Variants in TLN1 observed in about 807,000 individuals in gnomAD.
TLN1 encodes talin 1.
A neutral mutation model predicts 292.3 loss-of-function variants in TLN1; 56 were observed. The ratio of observed to expected loss-of-function variants is 0.19; its 90% CI spans 0.15 to 0.24. The LOEUF is 0.24. Among genes scored for constraint, TLN1 ranks in the 10% least tolerant of loss-of-function variants. TLN1 has a pLI of 1.00. For synonymous variants in TLN1, 1,119 were observed against 1,253.7 expected, an observed-to-expected ratio of 0.89 and a Z score of 2.27; for missense variants, 2,433 against 3,248.2, an observed-to-expected ratio of 0.75 and a Z score of 6.10.
chr9:35,705,455 A>G (rs925671432), intron 43 of TLN1, 96 bp downstream of exon 43: 5 of 1,299,090 alleles, frequency 3.8e-6, no homozygotes, highest in Non-Finnish European at 5.2e-6. Context: ...TCCCCTTTCT[A>G]TGAAAGACCA....
In TLN1 at chr9:35,719,717, C is replaced by A. The variant is rs369200528; in HGVS notation, c.1578+23G>T. The A allele has an allele frequency of 7.7e-4, 1,235 of 1,610,384 alleles. 15 individuals are homozygous for A. The highest frequency in any genetic ancestry group is 6.7e-4 in the South Asian group (61 of 90,700). On this transcript the variant is annotated intron_variant, in intron 14 of 56. Coordinates refer to ENST00000314888, the MANE Select transcript of TLN1 (RefSeq NM_006289.4). The surrounding 1 kb of genome is among the most constrained non-coding windows in gnomAD (Gnocchi z 4.6). ...GGAGTCTCAGCTTCAGTACCACCGG[C>A]CTCTCCTCCATCCCATACTTACAGC...
chr9:35,723,997 T>C lies in TLN1; in HGVS notation c.737A>G (p.Gln246Arg). The C allele has an allele frequency of 6.2e-7, 1 of 1,614,008 alleles. No homozygotes were observed. The highest frequency in any genetic ancestry group is 8.5e-7 in the Non-Finnish European group (1 of 1,179,958). The change falls in exon 7 of 57, where the codon CAG becomes CGG. Residue 246 changes from glutamine (Q) to arginine (R), a missense_variant. Around this residue, in one of 7 missense-constraint regions of TLN1, gnomAD observed 78 missense variants for 88.8 expected, o/e 0.88. Coordinates refer to ENST00000314888, the MANE Select transcript of TLN1 (RefSeq NM_006289.4). ...CEFAGFQCQI[Q>R]FGPHNEQKHK... ...CTTCTGCTCATTGTGGGGCCCAAAC[T>C]GGATCTGGCATTGGAAGCCAGCAAA...
intron 48 of TLN1, 142 bp downstream of exon 48, chr9:35,703,418 T>A: frequency 1.3e-6 from 1 of 767,246 alleles, no homozygotes; most frequent in Non-Finnish European, 2.2e-6. Flanking sequence ...AGCAAGACCC[T>A]TCTCAAAAAA....
Position 35,714,231 on chromosome 9 carries a change from T to C in TLN1, c.3120+8A>G. ...CTCATCTTCCAAAGCCAGAACCAGC[T>C]TCCATACCTTCTGGGCAGCCGTCCG... On this transcript the variant is annotated splice_region_variant and intron_variant, in intron 24 of 56. Transcript: ENST00000314888. This position sits in a 1 kb window ranked among gnomAD's most constrained non-coding sequence, Gnocchi z 4.6. 6.2e-6 allele frequency: 10 copies of C among 1,605,162 alleles called. No homozygotes were observed. The highest frequency in any genetic ancestry group is 8.5e-6 in the Non-Finnish European group (10 of 1,173,746).
At position 35,699,760 on chromosome 9, in the gene TLN1, G is replaced by C. The variant is rs1825430706; in HGVS notation, c.6768+214C>G. ...GTGGGAAGGGAGGAGAAAAGAAAAA[G>C]AGGAAGAGGAAGAGGTGACTGGGAG... On this transcript the variant is annotated intron_variant, in intron 50 of 56. Transcript: ENST00000314888. The surrounding 1 kb of genome is among the most constrained non-coding windows in gnomAD (Gnocchi z 4.0). 2 of 865,510 alleles carry C rather than the reference G, an allele frequency of 2.3e-6. No individual in the cohort carries two copies. Among genetic ancestry groups the C allele is most frequent in the African/African-American group, 1.8e-5 (1 of 54,728 alleles). 53.6% of individuals were successfully genotyped at this position (865,510 alleles called of 1,614,324 possible).
At position 35,705,480 on chromosome 9, in the gene TLN1, G is replaced by A. The variant is rs570085369; in HGVS notation, c.5733+71C>T. The A allele has an allele frequency of 4.6e-5, 68 of 1,470,512 alleles. 1 individual carries two copies. In the East Asian group the frequency reaches 1.4e-3, roughly 31 times the overall value. The allele number at this position is 1,470,512 out of a possible 1,614,324, so 91.1% of individuals were successfully genotyped here. ...ATGAAAGACCAGAGAGGGTGGGGGT[G>A]GGACAGCCCTAGACACTGACACATC... is the stretch of plus-strand genomic sequence containing the variant. On this transcript the variant is annotated intron_variant, in intron 43 of 56. Transcript: ENST00000314888.
rs771186653 is a variant in TLN1 at position 35,704,959 on chromosome 9, C to T, written c.5734-144G>A. On this transcript the variant is annotated intron_variant, in intron 43 of 56. Coordinates refer to ENST00000314888, the MANE Select transcript of TLN1 (RefSeq NM_006289.4). This position sits in a 1 kb window ranked among gnomAD's most constrained non-coding sequence, Gnocchi z 6.9. ...AGAGAGAAGGTTCCCAGCACAAGGA[C>T]GTTTCCGGTTGCATATCCTTTAGGC... 27 of 1,027,154 alleles carry T rather than the reference C, an allele frequency of 2.6e-5. No individual in the cohort carries two copies. Among genetic ancestry groups the T allele is most frequent in the Non-Finnish European group, 3.8e-5 (27 of 719,166 alleles). The allele number at this position is 1,027,154 out of a possible 1,614,324, so 63.6% of individuals were successfully genotyped here.
At chr9:35,729,925 G>A (rs1826041741) in intron 1 of TLN1, among the ~76,000 whole-genome samples, 2 of 118,026 alleles carry the variant, frequency 1.7e-5, no homozygotes, top group South Asian at 2.8e-4. Context: ...GGTTGGGTTA[G>A]TGACTGCATC....
In TLN1 at chr9:35,717,632, A is replaced by G; in HGVS notation, c.2150T>C (p.Val717Ala). The change falls in exon 18 of 57, where the codon GTG becomes GCG. Residue 717 changes from valine (V) to alanine (A), a missense_variant. Physicochemically the swap from Val to Ala is moderately conservative, Grantham distance 64. Transcript: ENST00000314888. The surrounding 1 kb of genome is among the most constrained non-coding windows in gnomAD (Gnocchi z 4.7). ...TQCALSTSQL[V>A]ACTKVVAPTI... ...TTTGGGGCTCACCTTAGTACAGGCCACTAGTTGGGAAGTGGATAGGGCACA... is the reference window on the plus strand; with the variant it reads ...TTTGGGGCTCACCTTAGTACAGGCCGCTAGTTGGGAAGTGGATAGGGCACA... 1 of 1,613,420 alleles carries G rather than the reference A, an allele frequency of 6.2e-7. No homozygotes were observed. Among genetic ancestry groups the G allele is most frequent in the South Asian group, 1.1e-5 (1 of 91,054 alleles).
At chr9:35,726,482 A>C (rs1183866416) in intron 1 of TLN1, among the ~76,000 whole-genome samples, 1 of 152,040 alleles carries the variant, frequency 6.6e-6, no homozygotes, top group Non-Finnish European at 1.5e-5. Context: ...CGGGATTTTC[A>C]GAGCTCTCTT....
intron 19 of TLN1, 31 bp from the exon 20 acceptor site, chr9:35,716,587 A>T: frequency 6.2e-7 from 1 of 1,607,234 alleles, no homozygotes; most frequent in Non-Finnish European, 8.5e-7. Context: ...CAGGCGAGGA[A>T]GCCAGAGACA....
At chr9:35,722,448 G>A (rs1000482863) in intron 8 of TLN1, among the ~76,000 whole-genome samples, 1 of 152,168 alleles carries the variant, frequency 6.6e-6, no homozygotes, top group African/African-American at 2.4e-5. Flanking sequence ...CTGGAGATAT[G>A]AACAGAGAGT....
At position 35,704,718 on chromosome 9, in the gene TLN1, G is replaced by C. The variant is rs200540143; in HGVS notation, c.5831C>G (p.Ala1944Gly). 5.6e-6 allele frequency: 9 copies of C among 1,614,012 alleles called. No homozygotes were observed. The highest frequency in any genetic ancestry group is 1.7e-5 in the Admixed American group (1 of 59,996). The change falls in exon 44 of 57, where the codon GCC becomes GGC. Residue 1944 changes from alanine to glycine, a missense_variant. Coordinates refer to ENST00000314888, the MANE Select transcript of TLN1 (RefSeq NM_006289.4). The surrounding 1 kb of genome is among the most constrained non-coding windows in gnomAD (Gnocchi z 6.9). ...CTCTATGAGCTCCTTCTTGGTGTAG[G>C]CATCACTGGGGCTGCACTGCAGGGC... ...AGALQCSPSD[A>G]YTKKELIECA... is the part of the protein sequence containing the mutation.
At chr9:35,718,268 C>T (rs1825819403) in intron 17 of TLN1, among the ~76,000 whole-genome samples, 1 of 152,198 alleles carries the variant, frequency 6.6e-6, no homozygotes, top group South Asian at 2.1e-4. Flanking sequence ...AGTTCTGGTC[C>T]CCCAGGAGGC....
At chr9:35,716,060 A>T (rs1217009689) in intron 20 of TLN1, among the ~76,000 whole-genome samples, 1 of 152,116 alleles carries the variant, frequency 6.6e-6, no homozygotes, top group African/African-American at 2.4e-5. Flanking sequence ...TATGTCAATT[A>T]AAAAATAATT....
rs1825566217 is a variant in TLN1, at chr9:35,706,402, T to C, written c.5191-36A>G. The stretch of plus-strand genomic sequence containing the variant: ...GGGTTGGACTAGGGGTCAGGTCCCC[T>C]CTCTCTCACCCTACTCCCTGGGACT... On this transcript the variant is annotated intron_variant, in intron 39 of 56. Transcript: ENST00000314888. This position sits in a 1 kb window ranked among gnomAD's most constrained non-coding sequence, Gnocchi z 4.2. The C allele has an allele frequency of 6.2e-7, 1 of 1,612,790 alleles. No homozygotes were observed. Among genetic ancestry groups the C allele is most frequent in the Non-Finnish European group, 8.5e-7 (1 of 1,179,242 alleles).
Position 35,707,279 on chromosome 9 carries a change from A to G in TLN1, c.4774-26T>C. On this transcript the variant is annotated intron_variant, in intron 36 of 56. Coordinates refer to ENST00000314888, the MANE Select transcript of TLN1 (RefSeq NM_006289.4). The surrounding 1 kb of genome is among the most constrained non-coding windows in gnomAD (Gnocchi z 5.6). The stretch of plus-strand genomic sequence containing the variant: ...CTGGGGAGAGGGGAGGCAGGAAGGT[A>G]AGTCTCAGGAGTCCCTGGAAGATGA... 1 of 1,604,044 alleles carries G rather than the reference A, an allele frequency of 6.2e-7. No homozygotes were observed. Among genetic ancestry groups the G allele is most frequent in the Non-Finnish European group, 8.5e-7 (1 of 1,172,842 alleles).
At position 35,717,082 on chromosome 9, in the gene TLN1, G is replaced by T; in HGVS notation, c.2458+64C>A. 1 of 1,528,244 alleles carries T rather than the reference G, an allele frequency of 6.5e-7. No homozygotes were observed. Among genetic ancestry groups the T allele is most frequent in the South Asian group, 1.3e-5 (1 of 77,316 alleles). The allele number at this position is 1,528,244 out of a possible 1,614,324, so 94.7% of individuals were successfully genotyped here. A position where few individuals can be genotyped will look rare whatever the true frequency, so the allele number is the denominator to read the frequency against. On this transcript the variant is annotated intron_variant, in intron 19 of 56. Coordinates refer to ENST00000314888, the MANE Select transcript of TLN1 (RefSeq NM_006289.4). This position sits in a 1 kb window ranked among gnomAD's most constrained non-coding sequence, Gnocchi z 4.7. ...GAAGTGGTTAGGTCCGCAAGGGGAT[G>T]ATGTCCAGTGGGCTTAGGGAACCCT...
Position 35,706,499 on chromosome 9 carries a change from T to C in TLN1, c.5141A>G (p.Glu1714Gly). The C allele has an allele frequency of 6.2e-7, 1 of 1,614,098 alleles. No homozygotes were observed. Among genetic ancestry groups the C allele is most frequent in the Non-Finnish European group, 8.5e-7 (1 of 1,180,002 alleles). ...AGCCCGGGCAGCATTGGCCAGCGGC[T>C]CAATGAGATGGGAGATCTCTTGGAC... is the stretch of plus-strand genomic sequence containing the variant. ...TAVQEISHLI[E>G]PLANAARAEA... Residue 1714 changes from glutamate to glycine, a missense_variant, in exon 39 of 57, where the codon GAG becomes GGG. Glu to Gly is a moderately conservative substitution (Grantham distance 98). This residue lies in a region of TLN1 where 1,384 missense variants were observed against 1,699.6 expected (regional missense o/e 0.81). Transcript: ENST00000314888. The surrounding 1 kb of genome is among the most constrained non-coding windows in gnomAD (Gnocchi z 4.2).
Sources: allele counts gnomAD v4.1 joint callset (sites outside exome capture counted in the v4.1 genomes callset), GRCh38; gene constraint gnomAD v4.1.1; regional missense constraint gnomAD v4.1.1; non-coding constraint Gnocchi (gnomAD v3.1); transcripts MANE v1.5; gene names NCBI Gene and HGNC (gene_info 2026-07-23, HGNC 2026-07-21).